The following CCDC149 variants were observed in gnomAD, a reference collection of about 807,000 sequenced individuals.
CCDC149 encodes the protein coiled-coil domain containing 149.
In CCDC149, 45 loss-of-function variants were observed where a neutral mutation model predicts 59.9. That is an observed-to-expected ratio of 0.75 (90% CI 0.59 to 0.96). CCDC149 has a LOEUF of 0.96. Ranked by LOEUF, CCDC149 falls within the 40% of genes least tolerant of loss-of-function variation. The pLI is 0.00. For synonymous variants in CCDC149, 245 were observed against 260.6 expected (o/e 0.94, Z 0.58); for missense variants, 584 against 664.7 (o/e 0.88, Z 1.33).
intron 12 of CCDC149, among the ~76,000 whole-genome samples, chr4:24,809,696 C>T (rs1714472272): frequency 6.6e-6 from 1 of 152,234 alleles, no homozygotes; most frequent in Non-Finnish European, 1.5e-5. Context: ...AAAGGTATGA[C>T]AGAGCCACAG....
intron 1 of CCDC149, among the ~76,000 whole-genome samples, chr4:24,905,783 T>G (rs1257306221): frequency 6.6e-6 from 1 of 152,208 alleles, no homozygotes; most frequent in Non-Finnish European, 1.5e-5. Flanking sequence ...ATGGGCACAT[T>G]CTGCTACAGA....
At chr4:24,818,648 C>T (rs1715169384) in intron 12 of CCDC149, among the ~76,000 whole-genome samples, 2 of 152,188 alleles carry the variant, frequency 1.3e-5, no homozygotes, top group African/African-American at 4.8e-5. Context: ...GGATGGCTCA[C>T]TCCAGTGGCT....
intron 3 of CCDC149, among the ~76,000 whole-genome samples, chr4:24,863,007 G>A (rs1026513751): frequency 6.6e-6 from 1 of 152,190 alleles, no homozygotes; most frequent in African/African-American, 2.4e-5. Flanking sequence ...AAAAGTTTAA[G>A]AGAGGCTGGG....
At chr4:24,903,454 G>A (rs1317163142) in intron 1 of CCDC149, among the ~76,000 whole-genome samples, 1 of 152,142 alleles carries the variant, frequency 6.6e-6, no homozygotes, top group African/African-American at 2.4e-5. Context: ...TGAAATTTGG[G>A]GGACACAGCT....
chr4:24,901,614 AGCCT>A (rs1721174995), intron 1 of CCDC149, among the ~76,000 whole-genome samples: 1 of 152,218 alleles, frequency 6.6e-6, no homozygotes, highest in African/African-American at 2.4e-5. Context: ...CTCTGAAATT[AGCCT>A]GCCACTATGA....
intron 1 of CCDC149, among the ~76,000 whole-genome samples, chr4:24,877,868 T>C (rs1162852607): frequency 6.6e-6 from 1 of 152,188 alleles, no homozygotes; most frequent in East Asian, 1.9e-4. Context: ...CGAACAGGAC[T>C]CTTCACTTTT....
chr4:24,978,040 A>G (rs2109375286), intron 1 of CCDC149, among the ~76,000 whole-genome samples: 2 of 152,292 alleles, frequency 1.3e-5, no homozygotes. Context: ...ACCGAGGCAG[A>G]AGGATTGCTT....
At position 24,873,689 on chromosome 4, in the gene CCDC149, T is replaced by C; in HGVS notation, c.256A>G (p.Arg86Gly). The change falls in exon 3 of 13, where the codon AGG (arginine) becomes GGG (glycine). Residue 86 changes from arginine to glycine, a missense_variant. Physicochemically the swap from Arg to Gly is moderately radical, Grantham distance 125 (BLOSUM62 -2). Transcript: ENST00000635206. The stretch of plus-strand genomic sequence containing the variant: ...TCAGAAATAAGTCTTACCTGTTTCC[T>C]TTTTTCAGGAGGAAGTGATGGATCT... 2 of 1,604,852 alleles carry C rather than the reference T, an allele frequency of 1.2e-6. No individual in the cohort carries two copies. Among genetic ancestry groups the C allele is most frequent in the South Asian group, 1.1e-5 (1 of 90,754 alleles).
chr4:24,954,505 C>T (rs1160939601), intron 1 of CCDC149, among the ~76,000 whole-genome samples: 1 of 152,246 alleles, frequency 6.6e-6, no homozygotes, highest in African/African-American at 2.4e-5. Context: ...GTACACTCTG[C>T]ATGCCTGCAG....
intron 1 of CCDC149, among the ~76,000 whole-genome samples, chr4:24,911,474 T>A (rs1452656836): frequency 1.3e-5 from 2 of 152,164 alleles, no homozygotes; most frequent in East Asian, 3.9e-4. Context: ...TGCTGCTATT[T>A]AAGGGCCTAA....
chr4:24,972,866 G>C (rs1185386379), intron 1 of CCDC149, among the ~76,000 whole-genome samples: 1 of 152,184 alleles, frequency 6.6e-6, no homozygotes, highest in Non-Finnish European at 1.5e-5. Flanking sequence ...CTGTTAACTA[G>C]ATATTTCCCC....
intron 1 of CCDC149, among the ~76,000 whole-genome samples, chr4:24,938,856 C>T (rs571971171): frequency 1.0e-4 from 15 of 150,568 alleles, no homozygotes; most frequent in Admixed American, 4.0e-4. Flanking sequence ...GAGGGGCGCC[C>T]GCCATTGCTC....
At chr4:24,904,219 T>C (rs1381806187) in intron 1 of CCDC149, among the ~76,000 whole-genome samples, 2 of 152,240 alleles carry the variant, frequency 1.3e-5, no homozygotes, top group Non-Finnish European at 2.9e-5. Context: ...TTTTAATATA[T>C]TAATTCTACC....
chr4:24,805,668 T>C (rs1714118230), downstream of CCDC149, among the ~76,000 whole-genome samples: 2 of 152,222 alleles, frequency 1.3e-5, no homozygotes, highest in African/African-American at 4.8e-5. Flanking sequence ...GACATTGCCA[T>C]GTGACATCAT....
At chr4:24,817,438 C>G (rs1230883975) in intron 12 of CCDC149, among the ~76,000 whole-genome samples, 1 of 152,038 alleles carries the variant, frequency 6.6e-6, no homozygotes, top group African/African-American at 2.4e-5. Flanking sequence ...GGGGGGTAAC[C>G]TTTCTGTTCA....
chr4:24,969,417 A>G (rs1158603127), intron 1 of CCDC149, among the ~76,000 whole-genome samples: 1 of 152,218 alleles, frequency 6.6e-6, no homozygotes, highest in African/African-American at 2.4e-5. Flanking sequence ...ATAGGGGAAC[A>G]CATTTCACTG....
chr4:24,916,791 T>TGTGG (rs1427492037), upstream of CCDC149, among the ~76,000 whole-genome samples: 1 of 121,018 alleles, frequency 8.3e-6, no homozygotes, highest in Non-Finnish European at 1.7e-5. Flanking sequence ...TATAATGGTG[T>TGTGG]GTGTGTGTGT....
chr4:24,862,886 A>T (rs2109211672), intron 3 of CCDC149, among the ~76,000 whole-genome samples: 1 of 152,322 alleles, frequency 6.6e-6, no homozygotes, highest in African/African-American at 2.4e-5. Context: ...ATGTTAATAA[A>T]ATTGTATGCT....
chr4:24,916,069 A>G (rs1011401388), upstream of CCDC149, among the ~76,000 whole-genome samples: 1 of 152,242 alleles, frequency 6.6e-6, no homozygotes. Context: ...GCACAGGATC[A>G]TTTTAAAACC....
Sources: allele counts gnomAD v4.1 joint callset (sites outside exome capture counted in the v4.1 genomes callset), GRCh38; gene constraint gnomAD v4.1.1; transcripts MANE v1.5; gene names NCBI Gene and HGNC (gene_info 2026-07-23, HGNC 2026-07-21).